Variants in KLHL14 observed in about 807,000 individuals in gnomAD.
The protein encoded by KLHL14 is kelch-like protein 14.
Under a neutral mutation model 64.3 loss-of-function variants are expected in KLHL14, and 22 were observed. The ratio of observed to expected loss-of-function variants is 0.34; its 90% CI spans 0.24 to 0.49. The LOEUF (loss-of-function observed/expected upper bound fraction) is 0.49. KLHL14 is among the 20% of genes least tolerant of loss of function. The pLI is 0.99. For missense variants in KLHL14, 661 were observed against 789.0 expected (o/e 0.84, Z 1.94); for synonymous variants, 322 against 333.4 (o/e 0.97, Z 0.37).
chr18:32,718,073 C>T (rs2050055234), intron 3 of KLHL14, among the ~76,000 whole-genome samples: 1 of 152,148 alleles, frequency 6.6e-6, no homozygotes, highest in African/African-American at 2.4e-5. Context: ...TAAATCAGAC[C>T]CTTATTATCC....
At chr18:32,714,856 T>C (rs2050037219) in intron 3 of KLHL14, among the ~76,000 whole-genome samples, 1 of 150,104 alleles carries the variant, frequency 6.7e-6, no homozygotes, top group African/African-American at 2.4e-5. Context: ...AGGCCAAAAT[T>C]AAGGGCCTCT....
chr18:32,699,478 C>T (rs935797679), intron 3 of KLHL14, among the ~76,000 whole-genome samples: 4 of 152,082 alleles, frequency 2.6e-5, no homozygotes, highest in African/African-American at 7.2e-5. Context: ...GGAGGCATTA[C>T]TCATTCATTT....
intron 3 of KLHL14, chr18:32,738,264 T>C (rs2050176650): frequency 6.6e-6 from 1 of 152,148 alleles, no homozygotes. Flanking sequence ...CCCCAGCAAG[T>C]GTTCTGTTTA....
chr18:32,746,902 A>G (rs2050226561), intron 2 of KLHL14, among the ~76,000 whole-genome samples: 1 of 152,226 alleles, frequency 6.6e-6, no homozygotes, highest in Non-Finnish European at 1.5e-5. Flanking sequence ...ACTCTCAGAG[A>G]TTATGATTCA....
At chr18:32,727,674 A>G (rs901228079) in intron 3 of KLHL14, among the ~76,000 whole-genome samples, 11 of 152,212 alleles carry the variant, frequency 7.2e-5, no homozygotes, top group African/African-American at 2.4e-4. Flanking sequence ...TGAAAGCTCT[A>G]AAGTGGAAGG....
chr18:32,722,269 A>G (rs7230052), intron 3 of KLHL14, among the ~76,000 whole-genome samples: 44,681 of 151,994 alleles, frequency 0.29, 6,804 homozygotes, highest in African/African-American at 0.36. Flanking sequence ...TCAGCATTTT[A>G]TGACCATCAG....
chr18:32,735,527 G>T (rs1259441976), intron 3 of KLHL14, among the ~76,000 whole-genome samples: 1 of 152,024 alleles, frequency 6.6e-6, no homozygotes, highest in Non-Finnish European at 1.5e-5. Context: ...TGCCTTTACT[G>T]TTAACTAACC....
intron 2 of KLHL14, among the ~76,000 whole-genome samples, chr18:32,753,489 G>A (rs1387729528): frequency 1.3e-5 from 2 of 151,150 alleles, no homozygotes; most frequent in African/African-American, 4.9e-5. Context: ...CCTCTAGCAT[G>A]CAGTTACGGT....
intron 5 of KLHL14, among the ~76,000 whole-genome samples, chr18:32,686,012 CTTTT>C (rs5823856): frequency 3.6e-5 from 5 of 138,534 alleles, no homozygotes; most frequent in East Asian, 2.0e-4. Context: ...CTTTTTCTTT[CTTTT>C]TTTTTTTTTT....
chr18:32,751,408 A>G (rs2050250973), intron 2 of KLHL14, among the ~76,000 whole-genome samples: 1 of 152,166 alleles, frequency 6.6e-6, no homozygotes, highest in South Asian at 2.1e-4. Flanking sequence ...AACACAAAGT[A>G]TCATTATCCC....
At chr18:32,722,259 T>A (rs7231268) in intron 3 of KLHL14, among the ~76,000 whole-genome samples, 44,692 of 151,992 alleles carry the variant, frequency 0.29, 6,805 homozygotes, top group African/African-American at 0.36. Flanking sequence ...ACATTTTCCT[T>A]CAGCATTTTA....
At chr18:32,768,487 G>T (rs1403909270) in intron 2 of KLHL14, among the ~76,000 whole-genome samples, 1 of 151,368 alleles carries the variant, frequency 6.6e-6, no homozygotes, top group Admixed American at 6.6e-5. Context: ...ACATCATTCT[G>T]ACTGGGAAAA....
At chr18:32,709,550 G>A (rs1429542700) in intron 3 of KLHL14, among the ~76,000 whole-genome samples, 3 of 152,034 alleles carry the variant, frequency 2.0e-5, no homozygotes, top group Admixed American at 2.0e-4. Context: ...TGGGCACAAG[G>A]GATCCTCCCC....
Position 32,674,494 on chromosome 18 carries a change from C to A in KLHL14, c.*163G>T. ...CTGAGTTATAGACATAGTATCTGTT[C>A]AAGAACAGGTCTCTTTCTTTTGTAG... On this transcript the variant is annotated 3_prime_UTR_variant, in exon 9 of 9. Transcript: ENST00000359358. 1 of 615,712 alleles carries A rather than the reference C, an allele frequency of 1.6e-6. No homozygotes were observed. The highest frequency in any genetic ancestry group is 2.9e-6 in the Non-Finnish European group (1 of 340,756). 38.1% of individuals were successfully genotyped at this position (615,712 alleles called of 1,614,324 possible).
chr18:32,723,735 A>G (rs1200692050), intron 3 of KLHL14, among the ~76,000 whole-genome samples: 1 of 152,166 alleles, frequency 6.6e-6, no homozygotes, highest in Non-Finnish European at 1.5e-5. Context: ...TATGAGCCCA[A>G]TTGAACAGTG....
chr18:32,731,490 G>A (rs995078699), intron 3 of KLHL14, among the ~76,000 whole-genome samples: 1 of 152,146 alleles, frequency 6.6e-6, no homozygotes, highest in African/African-American at 2.4e-5. Context: ...TACTTGAGGG[G>A]GAGGGTGGGA....
intron 2 of KLHL14, among the ~76,000 whole-genome samples, chr18:32,763,894 G>T (rs2050327185): frequency 6.6e-6 from 1 of 152,134 alleles, no homozygotes; most frequent in Non-Finnish European, 1.5e-5. Flanking sequence ...GTCTATTGGG[G>T]TCTGAGACAG....
In KLHL14 at chr18:32,742,111, AC is replaced by A. The variant is rs375972541; in HGVS notation, c.948-63del. The A allele has an allele frequency of 1.8e-4, 278 of 1,514,078 alleles. 1 individual carries two copies. The African/African-American group carries it at 2.7e-3, about 15-fold the overall frequency. The allele number at this position is 1,514,078 out of a possible 1,614,324, so 93.8% of individuals were successfully genotyped here. ...TTACTGTAGAGTCTTTTTAGTGGCA[AC>A]GAAATCATAACCATCAAAGAATGTT... On this transcript the variant is annotated intron_variant, in intron 2 of 8. Coordinates refer to ENST00000359358, the MANE Select transcript of KLHL14 (RefSeq NM_020805.3).
At chr18:32,767,321 C>T (rs1016709469) in intron 2 of KLHL14, among the ~76,000 whole-genome samples, 3 of 152,070 alleles carry the variant, frequency 2.0e-5, no homozygotes, top group African/African-American at 7.2e-5. Flanking sequence ...CTATGAATTA[C>T]AATTAAAATA....
Sources: gnomAD v4.1 joint callset for allele counts (sites outside exome capture counted in the v4.1 genomes callset) on GRCh38, gnomAD v4.1.1 for gene constraint, MANE v1.5 for transcripts, NCBI Gene and HGNC (gene_info 2026-07-23, HGNC 2026-07-21) for gene names.